Variants in DDX10 observed in about 807,000 individuals in gnomAD.
DDX10 encodes the protein probable ATP-dependent RNA helicase DDX10.
A neutral mutation model predicts 104.3 loss-of-function variants in DDX10; 74 were observed. That is an observed-to-expected ratio of 0.71 (90% confidence interval 0.59 to 0.86). The LOEUF (loss-of-function observed/expected upper bound fraction) is 0.86. Among genes scored for constraint, DDX10 ranks in the 40% least tolerant of loss-of-function variants. DDX10 has a pLI of 0.00. For missense variants in DDX10, 952 were observed against 1,040.0 expected, an observed-to-expected ratio of 0.92 and a Z score of 1.16; for synonymous variants, 351 against 353.4, an observed-to-expected ratio of 0.99 and a Z score of 0.08.
chr11:108,908,960 A>G (rs909416884), intron 16 of DDX10, among the ~76,000 whole-genome samples: 4 of 152,238 alleles, frequency 2.6e-5, no homozygotes, highest in Non-Finnish European at 2.9e-5. Flanking sequence ...ATAAAGAAAC[A>G]TGTTTGGTCT....
At chr11:108,895,191 G>A (rs564726091) in intron 16 of DDX10, among the ~76,000 whole-genome samples, 3 of 151,966 alleles carry the variant, frequency 2.0e-5, no homozygotes, top group Non-Finnish European at 4.4e-5. Flanking sequence ...GTTTTAAAAG[G>A]TGTAGGTATT....
chr11:108,867,513 T>A (rs1863022956), intron 16 of DDX10, among the ~76,000 whole-genome samples: 1 of 152,158 alleles, frequency 6.6e-6, no homozygotes. Context: ...GCTACCATAG[T>A]CAAGAACCTG....
chr11:108,672,903 G>A (rs1260297935), intron 1 of DDX10, among the ~76,000 whole-genome samples: 1 of 152,214 alleles, frequency 6.6e-6, no homozygotes, highest in Non-Finnish European at 1.5e-5. Context: ...TTTCCCCTGT[G>A]TTGAAATAAT....
intron 17 of DDX10, among the ~76,000 whole-genome samples, chr11:108,937,278 T>G (rs1591133134): frequency 6.6e-6 from 1 of 152,176 alleles, no homozygotes; most frequent in East Asian, 1.9e-4. Context: ...GCTCTTTTGT[T>G]TCTCGTGAAA....
chr11:108,825,734 A>G (rs898972), intron 13 of DDX10, among the ~76,000 whole-genome samples: 21,025 of 152,228 alleles, frequency 0.14, 1,582 homozygotes, highest in East Asian at 0.25. Context: ...ATCACATTAT[A>G]GATTAGGATT....
chr11:108,728,986 C>T (rs992365393), intron 13 of DDX10, among the ~76,000 whole-genome samples: 24 of 152,012 alleles, frequency 1.6e-4, no homozygotes, highest in Admixed American at 4.6e-4. Context: ...TTTGAATCTC[C>T]GTTTAAAGAG....
intron 13 of DDX10, among the ~76,000 whole-genome samples, chr11:108,802,352 TTTATG>T (rs1862034076): frequency 6.6e-6 from 1 of 152,140 alleles, no homozygotes; most frequent in African/African-American, 2.4e-5. Context: ...CAATAGTGAG[TTTATG>T]TAACTTAAAA....
intron 6 of DDX10, among the ~76,000 whole-genome samples, chr11:108,687,153 G>T (rs897641886): frequency 6.6e-6 from 1 of 152,156 alleles, no homozygotes; most frequent in East Asian, 1.9e-4. Context: ...TTGCATTTCT[G>T]CCAGCAGTGA....
chr11:108,777,766 G>A (rs754252601), intron 13 of DDX10, among the ~76,000 whole-genome samples: 30 of 152,128 alleles, frequency 2.0e-4, no homozygotes, highest in Admixed American at 7.2e-4. Context: ...CCCTGTTTGC[G>A]GATGACATGA....
intron 17 of DDX10, among the ~76,000 whole-genome samples, chr11:108,930,778 T>G (rs962004530): frequency 3.6e-4 from 55 of 152,284 alleles, no homozygotes; most frequent in African/African-American, 1.3e-3. Context: ...CTTTTCAGAT[T>G]TTGGTTATAT....
chr11:108,844,178 A>AC (rs1272000326), intron 15 of DDX10, among the ~76,000 whole-genome samples: 2 of 152,224 alleles, frequency 1.3e-5, no homozygotes, highest in East Asian at 3.9e-4. Context: ...TTTTAAAGTG[A>AC]CAACTTTCTA....
chr11:108,738,954 G>A (rs1485735052), intron 13 of DDX10, among the ~76,000 whole-genome samples: 1 of 152,100 alleles, frequency 6.6e-6, no homozygotes, highest in Non-Finnish European at 1.5e-5. Context: ...TGTCCTAGGT[G>A]TAAAAGCTCA....
chr11:108,780,254 A>G (rs546118407), intron 13 of DDX10, among the ~76,000 whole-genome samples: 43 of 152,304 alleles, frequency 2.8e-4, no homozygotes, highest in Middle Eastern at 6.8e-3. Context: ...GAGTATGAAT[A>G]GAGCACAGGA....
In DDX10 at chr11:108,852,109, C is replaced by A. The variant is rs770485022; in HGVS notation, c.2248-44C>A. ...TAATGAATGTGTAGTCTGTTTTATA[C>A]CTAATTATATGCTGCTAATTTTTCT... is the stretch of plus-strand genomic sequence containing the variant. On this transcript the variant is annotated intron_variant, in intron 15 of 17. Coordinates refer to ENST00000322536, the MANE Select transcript of DDX10 (RefSeq NM_004398.4). 5 of 1,472,366 alleles carry A rather than the reference C, an allele frequency of 3.4e-6. No homozygotes were observed. In the East Asian group the frequency reaches 7.0e-5, roughly 21 times the overall value. 91.2% of individuals were successfully genotyped at this position (1,472,366 alleles called of 1,614,324 possible). A position where few individuals can be genotyped will look rare whatever the true frequency, so the allele number is the denominator to read the frequency against.
intron 13 of DDX10, among the ~76,000 whole-genome samples, chr11:108,831,421 C>CAAAAAAAAAAAAAAAAAAAAAAAA: frequency 1.4e-5 from 1 of 69,826 alleles, no homozygotes. Context: ...GAGACTGTCT[C>CAAAAAAAAAAAAAAAAAAAAAAAA]AAAAAAAAAA....
intron 17 of DDX10, among the ~76,000 whole-genome samples, chr11:108,926,632 C>A (rs1863912910): frequency 6.6e-6 from 1 of 152,194 alleles, no homozygotes. Flanking sequence ...GGACATGATA[C>A]ATTTTCACTA....
chr11:108,724,469 T>C (rs984170683), intron 13 of DDX10, among the ~76,000 whole-genome samples: 12 of 152,038 alleles, frequency 7.9e-5, no homozygotes, highest in African/African-American at 2.9e-4. Context: ...GGCACACAGG[T>C]AGTAAATGGC....
intron 13 of DDX10, among the ~76,000 whole-genome samples, chr11:108,768,309 G>A (rs1341777907): frequency 6.6e-6 from 1 of 152,132 alleles, no homozygotes; most frequent in Non-Finnish European, 1.5e-5. Context: ...TGAGGAGCAG[G>A]ATGTTCCTTT....
chr11:108,884,146 G>A (rs1863262693), intron 16 of DDX10, among the ~76,000 whole-genome samples: 1 of 152,060 alleles, frequency 6.6e-6, no homozygotes, highest in South Asian at 2.1e-4. Flanking sequence ...TTCCACTTGG[G>A]TGTCTATTAG....
Sources: gnomAD v4.1 joint callset for allele counts (sites outside exome capture counted in the v4.1 genomes callset) on GRCh38, gnomAD v4.1.1 for gene constraint, MANE v1.5 for transcripts, NCBI Gene and HGNC (gene_info 2026-07-23, HGNC 2026-07-21) for gene names.